Variants in ANK3 observed in about 807,000 individuals in gnomAD.
The protein encoded by ANK3 is ankyrin-3.
Under a neutral mutation model 370.9 loss-of-function variants are expected in ANK3, and 57 were observed. The ratio of observed to expected loss-of-function variants is 0.15; its 90% CI spans 0.12 to 0.19. The LOEUF (loss-of-function observed/expected upper bound fraction) is 0.19, where lower values mean the gene tolerates loss of function less well. ANK3 is among the 10% of genes least tolerant of loss of function. ANK3 has a pLI of 1.00. For missense variants in ANK3, 4,439 were observed against 5,302.1 expected (o/e 0.84, Z 5.06); for synonymous variants, 1,929 against 1,946.3 (o/e 0.99, Z 0.23).
At chr10:60,389,363 C>T (rs2062877960) in intron 1 of ANK3, 62 bp downstream of exon 1, 9 of 1,486,740 alleles carry the variant, frequency 6.1e-6, no homozygotes, top group African/African-American at 5.6e-5. Context: ...CTAACAGATG[C>T]CAGAGGGAGA....
chr10:60,191,276 A>C (rs1452112924), intron 16 of ANK3, among the ~76,000 whole-genome samples: 1 of 152,192 alleles, frequency 6.6e-6, no homozygotes, highest in Non-Finnish European at 1.5e-5. Context: ...AGCAAAAGAG[A>C]TAATCAACAG....
At chr10:60,575,371 A>T (rs2077670842) in intron 2 of ANK3, among the ~76,000 whole-genome samples, 1 of 152,036 alleles carries the variant, frequency 6.6e-6, no homozygotes, top group African/African-American at 2.4e-5. Context: ...AGACTGGATT[A>T]TACGGCAAAA....
intron 1 of ANK3, among the ~76,000 whole-genome samples, chr10:60,714,903 G>C (rs913373761): frequency 1.3e-5 from 2 of 152,078 alleles, no homozygotes; most frequent in African/African-American, 4.8e-5. Flanking sequence ...TACCATCACG[G>C]AGAATACAAG....
chr10:60,055,300 C>A (rs377678081), intron 42 of ANK3, among the ~76,000 whole-genome samples: 6 of 152,134 alleles, frequency 3.9e-5, no homozygotes, highest in Admixed American at 3.9e-4. Context: ...AGGAAGAACA[C>A]GGAGTGGGAG....
chr10:60,286,217 A>T (rs1454505739), intron 1 of ANK3, among the ~76,000 whole-genome samples: 2 of 152,138 alleles, frequency 1.3e-5, no homozygotes, highest in Non-Finnish European at 2.9e-5. Flanking sequence ...CCTCTGTTTT[A>T]GTTAATCACT....
At chr10:60,234,268 T>C (rs745435951) in intron 8 of ANK3, among the ~76,000 whole-genome samples, 2 of 152,184 alleles carry the variant, frequency 1.3e-5, no homozygotes, top group African/African-American at 2.4e-5. Context: ...GGATCATATG[T>C]TAGCTCTATT....
intron 7 of ANK3, among the ~76,000 whole-genome samples, chr10:60,250,526 A>T (rs7091470): frequency 6.6e-6 from 1 of 151,770 alleles, no homozygotes; most frequent in South Asian, 2.1e-4. Flanking sequence ...CACCACGCCC[A>T]GCTAATTTTT....
At chr10:60,501,526 G>C (rs964847204) in intron 2 of ANK3, among the ~76,000 whole-genome samples, 16 of 151,992 alleles carry the variant, frequency 1.1e-4, no homozygotes, top group Admixed American at 9.8e-4. Flanking sequence ...CCATGATGGA[G>C]AAACCCTGTT....
chr10:60,431,501 T>A (rs2064022241), intron 2 of ANK3, among the ~76,000 whole-genome samples: 1 of 152,192 alleles, frequency 6.6e-6, no homozygotes. Flanking sequence ...CACAGACCAC[T>A]ACTGGGGAAT....
At chr10:60,458,430 C>T (rs940446147) in intron 2 of ANK3, among the ~76,000 whole-genome samples, 4 of 152,066 alleles carry the variant, frequency 2.6e-5, no homozygotes, top group African/African-American at 9.7e-5. Flanking sequence ...TAATTAGGCA[C>T]CCCTCCAGAC....
intron 2 of ANK3, among the ~76,000 whole-genome samples, chr10:60,491,852 A>G (rs1054163963): frequency 1.3e-5 from 2 of 152,152 alleles, no homozygotes; most frequent in African/African-American, 4.8e-5. Flanking sequence ...GTCTCCTCAT[A>G]TATAAAATAT....
chr10:60,472,561 T>C (rs1475896127), intron 2 of ANK3, among the ~76,000 whole-genome samples: 1 of 152,220 alleles, frequency 6.6e-6, no homozygotes, highest in Non-Finnish European at 1.5e-5. Context: ...CTATGGGACT[T>C]CTCAGAGCTC....
In ANK3 at chr10:60,042,767, A is replaced by G; in HGVS notation, c.13066-8T>C. On this transcript the variant is annotated splice_polypyrimidine_tract_variant and splice_region_variant and intron_variant, in intron 42 of 43. Transcript: ENST00000280772. Reference sequence around the variant, plus strand: ...CTTAAAACCTTCTCCCTGCTTTGAAAGGAGTGTACATATTAAGATTTCACA... The same window carrying G: ...CTTAAAACCTTCTCCCTGCTTTGAAGGGAGTGTACATATTAAGATTTCACA... 6.2e-7 allele frequency: 1 copy of G among 1,612,552 alleles called. No individual in the cohort carries two copies. Among genetic ancestry groups the G allele is most frequent in the South Asian group, 1.1e-5 (1 of 91,056 alleles).
At chr10:60,083,842 C>A in intron 32 of ANK3, 13 of 314,534 alleles carry the variant, frequency 4.1e-5, no homozygotes, top group Non-Finnish European at 6.9e-5. Context: ...CAGAATTACA[C>A]ATTTATTTTT....
At chr10:60,415,926 C>CT (rs1555370000) in intron 2 of ANK3, among the ~76,000 whole-genome samples, 1 of 125,564 alleles carries the variant, frequency 8.0e-6, no homozygotes, top group Non-Finnish European at 1.8e-5. Context: ...GCCCCCCACC[C>CT]CCCCGCCATT....
intron 1 of ANK3, among the ~76,000 whole-genome samples, chr10:60,665,067 A>T (rs868642983): frequency 1.3e-5 from 2 of 152,242 alleles, no homozygotes; most frequent in African/African-American, 4.8e-5. Flanking sequence ...GCCTATGATG[A>T]CTCAGCTGCT....
At chr10:60,479,963 T>C (rs1457323172) in intron 2 of ANK3, among the ~76,000 whole-genome samples, 3 of 152,182 alleles carry the variant, frequency 2.0e-5, no homozygotes, top group African/African-American at 4.8e-5. Context: ...CATTACATCA[T>C]ATACAGTAAC....
intron 1 of ANK3, among the ~76,000 whole-genome samples, chr10:60,305,100 A>C (rs12217983): frequency 6.6e-6 from 1 of 152,090 alleles, no homozygotes; most frequent in Middle Eastern, 3.2e-3. Flanking sequence ...GGCTGGCTTA[A>C]AAAGTCTTCA....
chr10:60,072,783 C>T lies in ANK3; in HGVS notation c.8098G>A (p.Ala2700Thr), dbSNP rs539102163. Residue 2700 changes from alanine to threonine, a missense_variant, in exon 37 of 44, where the codon GCA (alanine) becomes ACA (threonine). Physicochemically the swap from Ala to Thr is moderately conservative, Grantham distance 58. Around this residue, in one of 13 missense-constraint regions of ANK3, gnomAD observed 1,601 missense variants for 1,731.7 expected, o/e 0.92. Coordinates refer to ENST00000280772, the MANE Select transcript of ANK3 (RefSeq NM_020987.5). ...AATCCAGACTGGGGCCCATCTGGTG[C>T]TTTGCTCTGTGAAATACTTCCTTTG... Reference protein sequence around the residue: ...EAKGSISQSKAPDGPQSGFQL... With the variant: ...EAKGSISQSKTPDGPQSGFQL... 1 of 1,614,088 alleles carries T rather than the reference C, an allele frequency of 6.2e-7. No individual in the cohort carries two copies. Among genetic ancestry groups the T allele is most frequent in the South Asian group, 1.1e-5 (1 of 91,074 alleles).
Sources: gnomAD v4.1 joint callset for allele counts (sites outside exome capture counted in the v4.1 genomes callset) on GRCh38, gnomAD v4.1.1 for gene constraint, gnomAD v4.1.1 regional missense constraint, MANE v1.5 for transcripts, NCBI Gene and HGNC (gene_info 2026-07-23, HGNC 2026-07-21) for gene names.